Variants in DISC1 observed in about 807,000 individuals in gnomAD.
DISC1 encodes disrupted in schizophrenia 1 protein.
A neutral mutation model predicts 84.5 loss-of-function variants in DISC1; 57 were observed. The ratio of observed to expected loss-of-function variants is 0.67; its 90% CI spans 0.55 to 0.84. The LOEUF is 0.84. Among genes scored for constraint, DISC1 ranks in the 40% least tolerant of loss-of-function variants. DISC1 has a pLI of 0.00. For missense variants in DISC1, 1,000 were observed against 1,057.8 expected, an observed-to-expected ratio of 0.95 and a Z score of 0.76; for synonymous variants, 411 against 415.2, an observed-to-expected ratio of 0.99 and a Z score of 0.12.
At chr1:231,900,806 C>T (rs1449561059) in intron 9 of DISC1, among the ~76,000 whole-genome samples, 1 of 152,166 alleles carries the variant, frequency 6.6e-6, no homozygotes, top group Non-Finnish European at 1.5e-5. Flanking sequence ...CTAATGCCTA[C>T]AGTAATTAAT....
intron 1 of DISC1, chr1:231,685,263 AT>A (rs1197311138): frequency 6.6e-6 from 1 of 152,168 alleles, no homozygotes; most frequent in African/African-American, 2.4e-5. Flanking sequence ...TCATATGTAT[AT>A]TTGTGTACAG....
intron 9 of DISC1, among the ~76,000 whole-genome samples, chr1:231,837,990 C>T (rs2082744147): frequency 6.6e-6 from 1 of 151,922 alleles, no homozygotes; most frequent in African/African-American, 2.4e-5. Flanking sequence ...ACAGGCTAAA[C>T]TTCTGTATTC....
intron 10 of DISC1, among the ~76,000 whole-genome samples, chr1:231,969,663 A>G (rs1332833299): frequency 6.8e-6 from 1 of 148,076 alleles, no homozygotes; most frequent in Non-Finnish European, 1.5e-5. Flanking sequence ...GGTTTGTTAC[A>G]TATGTATACC....
At chr1:231,983,195 C>A (rs1247778308) in intron 10 of DISC1, among the ~76,000 whole-genome samples, 1 of 151,948 alleles carries the variant, frequency 6.6e-6, no homozygotes, top group East Asian at 2.0e-4. Flanking sequence ...TCTTCATCAC[C>A]CTCCATGATG....
chr1:231,692,005 TCATTTTACG>T (rs1443553791), intron 1 of DISC1, among the ~76,000 whole-genome samples: 2 of 152,186 alleles, frequency 1.3e-5, no homozygotes, highest in African/African-American at 2.4e-5. Context: ...TGCCTTCCTG[TCATTTTACG>T]CATTTTACGC....
chr1:231,765,768 A>G (rs1201221629), intron 4 of DISC1, among the ~76,000 whole-genome samples: 3 of 152,178 alleles, frequency 2.0e-5, no homozygotes, highest in Non-Finnish European at 4.4e-5. Flanking sequence ...AACTCCGGCA[A>G]GAATAAGAGA....
chr1:232,026,630 C>A, intron 12 of DISC1, 78 bp downstream of exon 12: 1 of 1,049,724 alleles, frequency 9.5e-7, no homozygotes, highest in Non-Finnish European at 1.4e-6. Context: ...GTTTTTCATG[C>A]CTCAGAAGAT....
intron 4 of DISC1, among the ~76,000 whole-genome samples, chr1:231,763,530 C>T (rs376921533): frequency 5.3e-5 from 8 of 152,254 alleles, no homozygotes; most frequent in East Asian, 3.9e-4. Flanking sequence ...GACTTAGGAA[C>T]AAAAGCAAGG....
chr1:232,029,842 G>C (rs1324745273), intron 12 of DISC1, among the ~76,000 whole-genome samples: 4 of 152,230 alleles, frequency 2.6e-5, no homozygotes, highest in Non-Finnish European at 5.9e-5. Context: ...CAGTGGGACT[G>C]AGTTTCCAAA....
intron 8 of DISC1, among the ~76,000 whole-genome samples, chr1:231,800,725 T>C (rs1202780524): frequency 6.6e-6 from 1 of 152,164 alleles, no homozygotes; most frequent in Non-Finnish European, 1.5e-5. Flanking sequence ...TATCCTATCA[T>C]TAGTGCTTTC....
intron 1 of DISC1, among the ~76,000 whole-genome samples, chr1:231,649,564 C>G (rs900331313): frequency 6.6e-6 from 1 of 152,184 alleles, no homozygotes; most frequent in African/African-American, 2.4e-5. Flanking sequence ...CTGTAGATGT[C>G]TATTAGGTCT....
chr1:232,009,264 A>G lies in DISC1; in HGVS notation c.2307+215A>G. ...AGAGCAAAAAAACCCAACTTTTGGC[A>G]TATTTAGTTCCATTTTCATTCTAAT... On this transcript the variant is annotated intron_variant, in intron 11 of 12. Transcript: ENST00000439617. This position sits in a 1 kb window ranked among gnomAD's most constrained non-coding sequence, Gnocchi z 4.6. The G allele has an allele frequency of 7.3e-7, 1 of 1,364,772 alleles. No individual in the cohort carries two copies. The highest frequency in any genetic ancestry group is 9.4e-7 in the Non-Finnish European group (1 of 1,059,812). The allele number at this position is 1,364,772 out of a possible 1,614,324, so 84.5% of individuals were successfully genotyped here.
At position 231,771,056 on chromosome 1, in the gene DISC1, G is replaced by A. The variant is rs148583596; in HGVS notation, c.1620G>A (p.Pro540=). The A allele has an allele frequency of 8.7e-6, 14 of 1,602,108 alleles. No individual in the cohort carries two copies. The East Asian group carries it at 9.0e-5, about 10-fold the overall frequency. The change falls in exon 6 of 13, where the codon CCG becomes CCA. Residue 540 remains proline (P), a synonymous_variant. Transcript: ENST00000439617. ...AGQIPFHAEP[P]ETIRSLQERI... is the part of the protein sequence containing the mutation. The stretch of plus-strand genomic sequence containing the variant: ...AGATTCCCTTCCATGCAGAGCCACC[G>A]GAAACCATAAGGAGGTACTGCTGAT...
intron 9 of DISC1, among the ~76,000 whole-genome samples, chr1:231,912,089 G>A (rs1257486607): frequency 6.6e-6 from 1 of 152,086 alleles, no homozygotes; most frequent in Non-Finnish European, 1.5e-5. Context: ...TTTTTTCAAG[G>A]TTTTTAGCTT....
At chr1:231,823,412 A>G (rs905900738) in intron 9 of DISC1, among the ~76,000 whole-genome samples, 2 of 152,224 alleles carry the variant, frequency 1.3e-5, no homozygotes, top group Non-Finnish European at 2.9e-5. Flanking sequence ...TCAAGTGTTA[A>G]TTATTTGGTT....
At chr1:231,709,514 C>T (rs2067531413) in intron 3 of DISC1, among the ~76,000 whole-genome samples, 1 of 152,074 alleles carries the variant, frequency 6.6e-6, no homozygotes, top group Admixed American at 6.6e-5. Context: ...GTGTTTCTCT[C>T]TGGGAATGGG....
At chr1:231,713,798 T>TATAC (rs1221835743) in intron 3 of DISC1, among the ~76,000 whole-genome samples, 1 of 144,394 alleles carries the variant, frequency 6.9e-6, no homozygotes, top group East Asian at 2.0e-4. Flanking sequence ...ATAGGAGATA[T>TATAC]ATATATATAG....
At chr1:231,818,874 T>G in intron 9 of DISC1, 4 of 1,087,310 alleles carry the variant, frequency 3.7e-6, no homozygotes, top group Non-Finnish European at 4.5e-6. Context: ...TCTCCTTGTC[T>G]GCACAATCAT....
intron 3 of DISC1, among the ~76,000 whole-genome samples, chr1:231,711,301 A>G (rs2067793689): frequency 6.6e-6 from 1 of 151,656 alleles, no homozygotes; most frequent in Admixed American, 6.6e-5. Context: ...TTCAGCTACC[A>G]TTAGAATTGA....
Sources: allele counts gnomAD v4.1 joint callset (sites outside exome capture counted in the v4.1 genomes callset), GRCh38; gene constraint gnomAD v4.1.1; non-coding constraint Gnocchi (gnomAD v3.1); transcripts MANE v1.5; gene names NCBI Gene and HGNC (gene_info 2026-07-23, HGNC 2026-07-21).